CFAP92: variants seen among roughly 807,000 people sequenced by gnomAD.
CFAP92 encodes cilia and flagella associated protein 92 (putative).
Under a neutral mutation model 106.3 loss-of-function variants are expected in CFAP92, and 86 were observed. The ratio of observed to expected loss-of-function variants is 0.81; its 90% CI spans 0.68 to 0.97. The LOEUF (loss-of-function observed/expected upper bound fraction) is 0.97. CFAP92 is among the 50% of genes least tolerant of loss of function. CFAP92 has a pLI of 0.00. For missense variants in CFAP92, 1,204 were observed against 1,283.8 expected (o/e 0.94, Z 0.95); for synonymous variants, 477 against 506.4 (o/e 0.94, Z 0.78).
intron 12 of CFAP92, among the ~76,000 whole-genome samples, chr3:128,928,640 G>A (rs1937976380): frequency 6.6e-6 from 1 of 151,984 alleles, no homozygotes; most frequent in African/African-American, 2.4e-5. Context: ...CCCTTACATT[G>A]GACCTCAAAA....
intron 2 of CFAP92, 27 bp from the exon 3 acceptor site, chr3:128,988,945 C>T (rs781622733): frequency 1.1e-5 from 18 of 1,570,746 alleles, no homozygotes; most frequent in African/African-American, 4.1e-5. Context: ...GAAAAAGTCT[C>T]GTTTTAACCT....
chr3:129,008,914 G>T, the CFAP92 span, among the ~76,000 whole-genome samples: 6 of 151,042 alleles, frequency 4.0e-5, no homozygotes, highest in African/African-American at 1.5e-4. Context: ...CCTTGTCTGA[G>T]ATGAGAAACT....
intron 1 of CFAP92, chr3:129,001,739 C>T: frequency 6.5e-7 from 1 of 1,535,876 alleles, no homozygotes. Flanking sequence ...TGGCGCACCA[C>T]TACGGGCTGG....
At chr3:128,972,857 GAAA>G (rs772702523) in intron 7 of CFAP92, among the ~76,000 whole-genome samples, 2 of 123,124 alleles carry the variant, frequency 1.6e-5, no homozygotes. Flanking sequence ...CTCAGTCCTT[GAAA>G]AAAAAAAAAA....
chr3:129,006,999 GAA>G (rs1460035921), upstream of CFAP92, among the ~76,000 whole-genome samples: 9 of 152,172 alleles, frequency 5.9e-5, no homozygotes, highest in Admixed American at 1.3e-4. Context: ...TAGTCTAAAA[GAA>G]AAGTGTTACT....
chr3:128,969,384 CAAA>C (rs1942613650), intron 8 of CFAP92: 1 of 152,142 alleles, frequency 6.6e-6, no homozygotes, highest in African/African-American at 2.4e-5. Context: ...CCAGCCTGGC[CAAA>C]ATTGTGAAAC....
intron 9 of CFAP92, among the ~76,000 whole-genome samples, chr3:128,952,004 G>A (rs564614561): frequency 3.3e-5 from 5 of 152,146 alleles, no homozygotes; most frequent in Non-Finnish European, 7.3e-5. Context: ...TGGGGAACCT[G>A]GAGTCTCACC....
At chr3:128,931,453 GTATA>G (rs57606032) in intron 12 of CFAP92, among the ~76,000 whole-genome samples, 4 of 138,102 alleles carry the variant, frequency 2.9e-5, no homozygotes, top group Non-Finnish European at 6.1e-5. Flanking sequence ...ATATATGTGT[GTATA>G]TATATATACA....
chr3:129,022,139 G>T, the CFAP92 span, among the ~76,000 whole-genome samples: 1 of 152,148 alleles, frequency 6.6e-6, no homozygotes, highest in African/African-American at 2.4e-5. Flanking sequence ...TATCTATATA[G>T]AACCTGTATT....
At chr3:128,956,954 T>G (rs1941475014) in intron 9 of CFAP92, among the ~76,000 whole-genome samples, 1 of 128,394 alleles carries the variant, frequency 7.8e-6, no homozygotes, top group Admixed American at 8.9e-5. Context: ...CACTCCAGCC[T>G]GGGTGACAGA....
chr3:128,993,980 C>T lies in CFAP92; in HGVS notation c.-33G>A. 1.0e-6 allele frequency: 1 copy of T among 987,458 alleles called. No homozygotes were observed. 61.2% of individuals were successfully genotyped at this position (987,458 alleles called of 1,614,324 possible). A position where few individuals can be genotyped will look rare whatever the true frequency, so the allele number is the denominator to read the frequency against. ...GTTCCCCTCCAGGTGCTGGCGGTAC[C>T]TGCGAGCGGATGCGCTGGGCGGCAG... On this transcript the variant is annotated splice_region_variant and 5_prime_UTR_variant, in exon 1 of 16. Transcript: ENST00000645291.
At chr3:128,927,823 A>C (rs895355229) in intron 12 of CFAP92, among the ~76,000 whole-genome samples, 1 of 152,218 alleles carries the variant, frequency 6.6e-6, no homozygotes, top group African/African-American at 2.4e-5. Context: ...GAAGTGCAAG[A>C]CTTGCACACT....
At chr3:128,938,158 G>C (rs1171751312) in intron 10 of CFAP92, among the ~76,000 whole-genome samples, 5 of 152,018 alleles carry the variant, frequency 3.3e-5, no homozygotes, top group African/African-American at 4.8e-5. Flanking sequence ...CTTGAGGTGG[G>C]GGGGTCAAGG....
rs1030184155 is a variant in CFAP92, at chr3:128,977,021, T to G, written c.854A>C (p.Glu285Ala). The change falls in exon 6 of 16, where the codon GAA becomes GCA. Residue 285 changes from glutamate to alanine, a missense_variant. Glu to Ala is a moderately radical substitution (Grantham distance 107). Coordinates refer to ENST00000645291, the MANE Select transcript of CFAP92 (RefSeq NM_001394090.1). The part of the protein sequence containing the change: ...EPETSSKNSE[E>A]YEKSLKMDDS... ...GTCCATTTTGAGGGACTTCTCATATTCCTCACTGTTCTTGGAAGAAGTTTC... is the reference window on the plus strand; with the variant it reads ...GTCCATTTTGAGGGACTTCTCATATGCCTCACTGTTCTTGGAAGAAGTTTC... 2 of 1,613,922 alleles carry G rather than the reference T, an allele frequency of 1.2e-6. No homozygotes were observed. Among genetic ancestry groups the G allele is most frequent in the South Asian group, 2.2e-5 (2 of 91,082 alleles).
chr3:129,003,896 G>C, upstream of CFAP92: 3 of 1,373,242 alleles, frequency 2.2e-6, no homozygotes, highest in Non-Finnish European at 2.8e-6. Flanking sequence ...CCTGGCTGCG[G>C]CGGAGGCCCG....
At chr3:128,954,900 C>T (rs1941219667) in intron 9 of CFAP92, among the ~76,000 whole-genome samples, 1 of 17,068 alleles carries the variant, frequency 5.9e-5, no homozygotes, top group Admixed American at 4.3e-4. Flanking sequence ...CCAGCCGCCC[C>T]GTCCGGGAGG....
chr3:129,002,749 T>G, upstream of CFAP92: 1 of 178,038 alleles, frequency 5.6e-6, no homozygotes, highest in Non-Finnish European at 1.2e-5. Context: ...TCCTCACCTT[T>G]AGGGATATCC....
At chr3:128,911,426 T>C (rs1158457042) in intron 15 of CFAP92, among the ~76,000 whole-genome samples, 1 of 152,058 alleles carries the variant, frequency 6.6e-6, no homozygotes, top group Non-Finnish European at 1.5e-5. Context: ...CTGCCCAGCA[T>C]GCCTGGCTGT....
chr3:128,964,042 C>CA (rs1323444271), intron 9 of CFAP92, among the ~76,000 whole-genome samples: 1 of 152,178 alleles, frequency 6.6e-6, no homozygotes, highest in African/African-American at 2.4e-5. Flanking sequence ...TCCCTTCTGT[C>CA]AGACATAATT....
Sources: allele counts gnomAD v4.1 joint callset (sites outside exome capture counted in the v4.1 genomes callset), GRCh38; gene constraint gnomAD v4.1.1; transcripts MANE v1.5; gene names NCBI Gene and HGNC (gene_info 2026-07-23, HGNC 2026-07-21).